The following GRIP1 variants were observed in gnomAD, a reference collection of about 807,000 sequenced individuals.
GRIP1 encodes the protein glutamate receptor-interacting protein 1.
Under a neutral mutation model 129.9 loss-of-function variants are expected in GRIP1, and 45 were observed. The ratio of observed to expected loss-of-function variants is 0.35; its 90% CI spans 0.27 to 0.44. The LOEUF (loss-of-function observed/expected upper bound fraction) is 0.44, where lower values mean the gene tolerates loss of function less well. Ranked by LOEUF, GRIP1 falls within the 20% of genes least tolerant of loss-of-function variation. The pLI, the probability that GRIP1 is intolerant of heterozygous loss-of-function variation, is 1.00. For missense variants in GRIP1, 1,196 were observed against 1,396.8 expected, an observed-to-expected ratio of 0.86 and a Z score of 2.29; for synonymous variants, 530 against 520.8, an observed-to-expected ratio of 1.02 and a Z score of -0.24.
intron 1 of GRIP1, among the ~76,000 whole-genome samples, chr12:66,956,630 T>C (rs189737652): frequency 3.9e-5 from 6 of 152,320 alleles, no homozygotes. Flanking sequence ...AGAAGATACA[T>C]TGAGGCTATG....
At chr12:66,472,366 ACTC>A (rs2059462806) in intron 7 of GRIP1, among the ~76,000 whole-genome samples, 1 of 151,962 alleles carries the variant, frequency 6.6e-6, no homozygotes, top group Admixed American at 6.6e-5. Flanking sequence ...GTAGTGCTGA[ACTC>A]CTTGATTCCA....
At chr12:66,930,607 T>C (rs1345471045) in intron 1 of GRIP1, among the ~76,000 whole-genome samples, 1 of 152,198 alleles carries the variant, frequency 6.6e-6, no homozygotes, top group East Asian at 1.9e-4. Flanking sequence ...CTCCCCTCAC[T>C]AGTCAATTTA....
chr12:66,662,621 T>C (rs1422778687), intron 1 of GRIP1, among the ~76,000 whole-genome samples: 1 of 152,158 alleles, frequency 6.6e-6, no homozygotes, highest in Non-Finnish European at 1.5e-5. Context: ...CGTCCCTTCC[T>C]AGGATTTGGT....
At chr12:66,363,122 TATATACACACACAC>T (rs1402458376) in intron 23 of GRIP1, among the ~76,000 whole-genome samples, 3 of 146,114 alleles carry the variant, frequency 2.1e-5, no homozygotes, top group East Asian at 3.9e-4. Flanking sequence ...ACTTTATATA[TATATACACACACAC>T]ATATACACAC....
At chr12:66,479,536 T>G (rs1396411872) in intron 7 of GRIP1, among the ~76,000 whole-genome samples, 1 of 152,040 alleles carries the variant, frequency 6.6e-6, no homozygotes, top group Non-Finnish European at 1.5e-5. Flanking sequence ...TTCCAAACAG[T>G]AGGAAAAGAG....
At chr12:66,738,513 G>A (rs952343424) in intron 1 of GRIP1, among the ~76,000 whole-genome samples, 5 of 152,034 alleles carry the variant, frequency 3.3e-5, no homozygotes, top group Non-Finnish European at 7.4e-5. Flanking sequence ...GAACCACCAC[G>A]CCCACCCACT....
chr12:66,817,330 A>G (rs1295621477), intron 1 of GRIP1, among the ~76,000 whole-genome samples: 1 of 152,038 alleles, frequency 6.6e-6, no homozygotes, highest in African/African-American at 2.4e-5. Context: ...AAAATTACTG[A>G]GGACATCAAA....
At chr12:66,808,897 C>T (rs150022855), upstream of GRIP1, among the ~76,000 whole-genome samples, 19 of 152,224 alleles carry the variant, frequency 1.2e-4, no homozygotes, top group East Asian at 2.1e-3. Flanking sequence ...TAGCCAGTCT[C>T]AAAACACTAA....
upstream of GRIP1, among the ~76,000 whole-genome samples, chr12:66,807,460 T>A (rs1592864910): frequency 6.6e-6 from 1 of 151,954 alleles, no homozygotes; most frequent in South Asian, 2.1e-4. Context: ...GATCAAAAGG[T>A]CAGGAGATCG....
upstream of GRIP1, among the ~76,000 whole-genome samples, chr12:66,804,491 G>GA (rs1454470174): frequency 1.3e-5 from 2 of 151,920 alleles, no homozygotes; most frequent in African/African-American, 4.8e-5. Flanking sequence ...AAGACTAAGA[G>GA]AAAAAACAAA....
chr12:66,605,929 G>C (rs1028848668), intron 1 of GRIP1, among the ~76,000 whole-genome samples: 3 of 152,128 alleles, frequency 2.0e-5, no homozygotes, highest in Admixed American at 1.3e-4. Flanking sequence ...ACAATGTATA[G>C]TATATATTTA....
intron 1 of GRIP1, among the ~76,000 whole-genome samples, chr12:66,705,012 T>C (rs1467478249): frequency 6.6e-6 from 1 of 152,068 alleles, no homozygotes; most frequent in Admixed American, 6.6e-5. Flanking sequence ...TCCATGAAGG[T>C]CTTCTGCTCT....
chr12:66,392,006 A>G (rs1161403855), intron 19 of GRIP1, among the ~76,000 whole-genome samples: 6 of 152,122 alleles, frequency 3.9e-5, no homozygotes, highest in African/African-American at 1.4e-4. Context: ...GAGCCACTTT[A>G]TTGTATGGTT....
At chr12:67,039,223 T>C (rs1367230653) in intron 1 of GRIP1, among the ~76,000 whole-genome samples, 2 of 152,166 alleles carry the variant, frequency 1.3e-5, no homozygotes. Context: ...AACTGGCAAA[T>C]ATACCACTTA....
intron 1 of GRIP1, among the ~76,000 whole-genome samples, chr12:66,924,338 C>T (rs1329806058): frequency 6.6e-6 from 1 of 152,172 alleles, no homozygotes; most frequent in South Asian, 2.1e-4. Flanking sequence ...AGGCACTATA[C>T]ATTAAACAAA....
At chr12:67,035,280 T>A (rs907662868) in intron 1 of GRIP1, among the ~76,000 whole-genome samples, 1 of 152,122 alleles carries the variant, frequency 6.6e-6, no homozygotes. Context: ...TCTGAGGATA[T>A]CCCTTTGAAT....
chr12:66,717,186 C>G (rs11176397), intron 1 of GRIP1, among the ~76,000 whole-genome samples: 18,158 of 151,944 alleles, frequency 0.12, 1,295 homozygotes, highest in East Asian at 0.2. Context: ...CACAGAAGAA[C>G]AACAACTTAT....
Position 66,521,289 on chromosome 12 carries a change from G to A in GRIP1, c.503-3313C>T, listed in dbSNP as rs1238393103. Among the ~76,000 whole-genome samples, 5 of 152,204 alleles carry A rather than the reference G, an allele frequency of 3.3e-5. No individual in the cohort carries two copies. The East Asian group carries it at 9.6e-4, about 29-fold the overall frequency. ...CATTTGATTGATTGATTTGTTAAGT[G>A]ACTGGCACAAAATGAAAGCTACTAT... On this transcript the variant is annotated intron_variant, in intron 5 of 24. Coordinates refer to ENST00000359742, the MANE Select transcript of GRIP1 (RefSeq NM_001366722.1).
intron 1 of GRIP1, among the ~76,000 whole-genome samples, chr12:66,820,542 A>G (rs899820446): frequency 2.6e-5 from 4 of 152,204 alleles, no homozygotes; most frequent in African/African-American, 9.6e-5. Flanking sequence ...GTCCATGTAC[A>G]AACCTGCACA....
Sources: allele counts gnomAD v4.1 joint callset (sites outside exome capture counted in the v4.1 genomes callset), GRCh38; gene constraint gnomAD v4.1.1; transcripts MANE v1.5; gene names NCBI Gene and HGNC (gene_info 2026-07-23, HGNC 2026-07-21).